NELL1: variants seen among roughly 807,000 people sequenced by gnomAD.
NELL1 encodes neural EGFL like 1.
In NELL1, 76 loss-of-function variants were observed where a neutral mutation model predicts 107.4. That is an observed-to-expected ratio of 0.71 (90% confidence interval 0.59 to 0.86). The LOEUF is 0.86. Ranked by LOEUF, NELL1 falls within the 40% of genes least tolerant of loss-of-function variation. The pLI is 0.00. For synonymous variants in NELL1, 353 were observed against 341.2 expected (o/e 1.03, Z -0.38); for missense variants, 1,024 against 1,005.5 (o/e 1.02, Z -0.25).
At chr11:20,888,746 A>G (rs1048342697) in intron 5 of NELL1, among the ~76,000 whole-genome samples, 2 of 152,188 alleles carry the variant, frequency 1.3e-5, no homozygotes, top group African/African-American at 4.8e-5. Context: ...GATACTTGTT[A>G]GGCTGTCTCC....
intron 12 of NELL1, among the ~76,000 whole-genome samples, chr11:21,043,256 A>T (rs1342154526): frequency 6.6e-6 from 1 of 152,108 alleles, no homozygotes; most frequent in Non-Finnish European, 1.5e-5. Context: ...ATTGCAGGGG[A>T]TATAACAGTA....
chr11:21,498,249 G>A (rs922518428), intron 15 of NELL1, among the ~76,000 whole-genome samples: 49 of 150,130 alleles, frequency 3.3e-4, no homozygotes, highest in African/African-American at 1.2e-3. Flanking sequence ...CCTCCCTGGT[G>A]ATAATTACAT....
At chr11:20,767,086 T>C (rs994403472) in intron 2 of NELL1, among the ~76,000 whole-genome samples, 5 of 152,174 alleles carry the variant, frequency 3.3e-5, no homozygotes, top group African/African-American at 1.2e-4. Context: ...GTTATGCTGC[T>C]GTGTGCCAGC....
At chr11:21,226,988 G>A (rs927233129) in intron 13 of NELL1, among the ~76,000 whole-genome samples, 5 of 152,284 alleles carry the variant, frequency 3.3e-5, no homozygotes, top group Admixed American at 6.5e-5. Flanking sequence ...CCTCATTAGA[G>A]AAAAAGATTT....
intron 12 of NELL1, among the ~76,000 whole-genome samples, chr11:21,076,109 C>G (rs1256910849): frequency 2.0e-5 from 3 of 152,242 alleles, no homozygotes; most frequent in Non-Finnish European, 2.9e-5. Context: ...TGAAAAACAG[C>G]TGTGGAAACG....
intron 14 of NELL1, among the ~76,000 whole-genome samples, chr11:21,334,317 A>G (rs1305991393): frequency 6.6e-6 from 1 of 152,026 alleles, no homozygotes; most frequent in Non-Finnish European, 1.5e-5. Flanking sequence ...TTTTGAGCCA[A>G]TAGGCAAAAT....
At chr11:21,482,917 T>C (rs917369358) in intron 15 of NELL1, among the ~76,000 whole-genome samples, 4 of 152,026 alleles carry the variant, frequency 2.6e-5, no homozygotes, top group South Asian at 2.1e-4. Context: ...TGAAAATTGA[T>C]GTGATGGATT....
At chr11:21,536,103 T>G (rs992529198) in intron 16 of NELL1, among the ~76,000 whole-genome samples, 1 of 152,114 alleles carries the variant, frequency 6.6e-6, no homozygotes, top group Non-Finnish European at 1.5e-5. Flanking sequence ...CCAATTTTAT[T>G]TATTATTTTT....
In NELL1 at chr11:21,346,785, T is replaced by C. The variant is rs558029641; in HGVS notation, c.1550-24068T>C. Among the ~76,000 whole-genome samples, 3 of 152,000 alleles carry C rather than the reference T, an allele frequency of 2.0e-5. No individual in the cohort carries two copies. In the South Asian group the frequency reaches 6.2e-4, roughly 32 times the overall value. On this transcript the variant is annotated intron_variant, in intron 14 of 19. Transcript: ENST00000357134. ...ACACACTAAAATGCCTATGCCATGT[T>C]CACTGCTAAAATGCCTTGCTCTCTC...
intron 15 of NELL1, among the ~76,000 whole-genome samples, chr11:21,473,366 G>T (rs765217002): frequency 6.6e-6 from 1 of 151,892 alleles, no homozygotes; most frequent in African/African-American, 2.4e-5. Context: ...AAACTCATTT[G>T]TTCTGTATTG....
chr11:21,414,789 G>A (rs1182838606), intron 15 of NELL1, among the ~76,000 whole-genome samples: 2 of 152,000 alleles, frequency 1.3e-5, no homozygotes, highest in East Asian at 3.9e-4. Flanking sequence ...TTTGGGTAAG[G>A]GGAACCCCCA....
intron 4 of NELL1, among the ~76,000 whole-genome samples, chr11:20,862,322 C>T (rs893652652): frequency 6.6e-5 from 10 of 151,916 alleles, no homozygotes; most frequent in Non-Finnish European, 1.0e-4. Flanking sequence ...TCTGTTTTGG[C>T]ATAGCAAAAT....
At chr11:21,109,321 CA>C (rs1232034286) in intron 12 of NELL1, among the ~76,000 whole-genome samples, 3 of 152,014 alleles carry the variant, frequency 2.0e-5, no homozygotes, top group Non-Finnish European at 4.4e-5. Flanking sequence ...AGCCTGTGCC[CA>C]AAAATGTGCT....
In NELL1 at chr11:20,950,950, C is replaced by T. The variant is rs188339263; in HGVS notation, c.1171+3515C>T. On this transcript the variant is annotated intron_variant, in intron 11 of 19. Coordinates refer to ENST00000357134, the MANE Select transcript of NELL1 (RefSeq NM_006157.5). ...TTTATCATCTCTCTCTTACTGTGACCATCCGGTCATTAGTCTGAGAGAAAT... is the reference window on the plus strand; with the variant it reads ...TTTATCATCTCTCTCTTACTGTGACTATCCGGTCATTAGTCTGAGAGAAAT... Among the ~76,000 whole-genome samples the T allele has an allele frequency of 1.7e-3, 264 of 152,308 alleles. 1 individual carries two copies. Among genetic ancestry groups the T allele is most frequent in the Admixed American group, 4.7e-3 (72 of 15,302 alleles).
At chr11:20,792,467 C>G (rs539181977) in intron 3 of NELL1, among the ~76,000 whole-genome samples, 5 of 151,756 alleles carry the variant, frequency 3.3e-5, no homozygotes, top group African/African-American at 1.2e-4. Flanking sequence ...TCTAGTAGTA[C>G]TTTCTAATAT....
At chr11:21,380,350 G>T (rs1403008570) in intron 15 of NELL1, among the ~76,000 whole-genome samples, 6 of 152,036 alleles carry the variant, frequency 3.9e-5, no homozygotes, top group Admixed American at 3.3e-4. Flanking sequence ...TTAAAGTCAG[G>T]TAAATGTGAA....
intron 15 of NELL1, among the ~76,000 whole-genome samples, chr11:21,376,951 C>T (rs1486901508): frequency 6.6e-6 from 1 of 151,944 alleles, no homozygotes; most frequent in Non-Finnish European, 1.5e-5. Context: ...TTTTGGTAGT[C>T]TTTAGGACTT....
intron 14 of NELL1, among the ~76,000 whole-genome samples, chr11:21,305,382 GACTTGAGAAGC>G (rs1453330015): frequency 6.6e-6 from 1 of 152,018 alleles, no homozygotes; most frequent in Non-Finnish European, 1.5e-5. Flanking sequence ...CACTGTAAAA[GACTTGAGAAGC>G]ACATAGATTC....
intron 2 of NELL1, among the ~76,000 whole-genome samples, chr11:20,778,498 C>CTTTTTTTTTTTTTTTTTTTTTTTT (rs1161737750): frequency 5.5e-5 from 4 of 73,018 alleles, no homozygotes; most frequent in South Asian, 4.8e-4. Context: ...TCACCCAGCA[C>CTTTTTTTTTTTTTTTTTTTTTTTT]TTTTTTTTTT....
Sources: gnomAD v4.1 joint callset for allele counts (sites outside exome capture counted in the v4.1 genomes callset) on GRCh38, gnomAD v4.1.1 for gene constraint, MANE v1.5 for transcripts, NCBI Gene and HGNC (gene_info 2026-07-23, HGNC 2026-07-21) for gene names.